CDH19: variants seen among roughly 807,000 people sequenced by gnomAD.
The protein encoded by CDH19 is cadherin-19.
Under a neutral mutation model 64.2 loss-of-function variants are expected in CDH19, and 67 were observed. That is an observed-to-expected ratio of 1.04 (90% CI 0.86 to 1.28). CDH19 has a LOEUF of 1.28. Among genes scored for constraint, CDH19 ranks in the 50% most tolerant of loss-of-function variants. The pLI is 0.00. For missense variants in CDH19, 1,030 were observed against 929.0 expected, an observed-to-expected ratio of 1.11 and a Z score of -1.41; for synonymous variants, 346 against 319.3, an observed-to-expected ratio of 1.08 and a Z score of -0.89.
At chr18:66,601,378 C>A (rs1989033959) in intron 1 of CDH19, among the ~76,000 whole-genome samples, 1 of 151,876 alleles carries the variant, frequency 6.6e-6, no homozygotes, top group Non-Finnish European at 1.5e-5. Flanking sequence ...TAAGACATGA[C>A]TGATGTGCCA....
At chr18:66,568,304 A>G (rs1361788565) in intron 3 of CDH19, 112 bp downstream of exon 3, 1 of 760,110 alleles carries the variant, frequency 1.3e-6, no homozygotes, top group Non-Finnish European at 2.1e-6. Flanking sequence ...ACATATTTGT[A>G]GAAGGAAGTT....
intron 1 of CDH19, among the ~76,000 whole-genome samples, chr18:66,588,220 C>T (rs1889729066): frequency 6.6e-6 from 1 of 152,064 alleles, no homozygotes; most frequent in Admixed American, 6.6e-5. Context: ...GAGGGTGATC[C>T]TGCAATGGGA....
At chr18:66,506,784 G>T (rs1985222673) in intron 11 of CDH19, among the ~76,000 whole-genome samples, 1 of 151,836 alleles carries the variant, frequency 6.6e-6, no homozygotes, top group African/African-American at 2.4e-5. Context: ...AAACACACAT[G>T]AAGTAATGTT....
At chr18:66,593,749 T>A (rs1322808086) in intron 1 of CDH19, among the ~76,000 whole-genome samples, 1 of 152,046 alleles carries the variant, frequency 6.6e-6, no homozygotes, top group East Asian at 1.9e-4. Context: ...TTAAGAAAAA[T>A]TAATAATTTG....
At chr18:66,583,161 C>A in intron 1 of CDH19, among the ~76,000 whole-genome samples, 1 of 151,766 alleles carries the variant, frequency 6.6e-6, no homozygotes, top group Non-Finnish European at 1.5e-5. Context: ...AATTATTGTA[C>A]TTTTTTATGA....
At chr18:66,599,711 G>C (rs1988992602) in intron 1 of CDH19, among the ~76,000 whole-genome samples, 1 of 151,926 alleles carries the variant, frequency 6.6e-6, no homozygotes, top group Middle Eastern at 3.4e-3. Flanking sequence ...AATAAATATT[G>C]AAAACATCCT....
chr18:66,588,605 C>CATATACATAT (rs1988644480), intron 1 of CDH19, among the ~76,000 whole-genome samples: 1 of 116,736 alleles, frequency 8.6e-6, no homozygotes, highest in Non-Finnish European at 2.1e-5. Context: ...TTTTACTAAT[C>CATATACATAT]ATATATATCT....
chr18:66,542,932 A>G (rs1986946503), intron 7 of CDH19, among the ~76,000 whole-genome samples: 1 of 152,158 alleles, frequency 6.6e-6, no homozygotes, highest in Non-Finnish European at 1.5e-5. Context: ...CTTCCACCGA[A>G]CTGGTTCCTG....
rs201955048 is a variant in CDH19 at position 66,505,195 on chromosome 18, C to T, written c.1936G>A (p.Gly646Ser). The change falls in exon 12 of 12, where the codon GGT becomes AGT. Residue 646 changes from glycine (G) to serine (S), a missense_variant. Physicochemically the swap from Gly to Ser is moderately conservative, Grantham distance 56. Transcript: ENST00000262150. ...AAGGCCTCTGTATCTTCTTCTCCAC[C>T]CCCTTCATCATCATATTGGAATATA... is the stretch of plus-strand genomic sequence containing the variant. Reference protein sequence around the residue: ...ENIFQYDDEGGGEEDTEAFDI... With the variant: ...ENIFQYDDEGSGEEDTEAFDI... 604 of 1,613,076 alleles carry T rather than the reference C, an allele frequency of 3.7e-4. 7 individuals carry two copies. In the South Asian group the frequency reaches 6.4e-3, roughly 17 times the overall value.
At chr18:66,546,885 GC>G (rs775884083) in intron 5 of CDH19, among the ~76,000 whole-genome samples, 10 of 152,084 alleles carry the variant, frequency 6.6e-5, no homozygotes, top group Non-Finnish European at 1.3e-4. Context: ...AAGCAAACAG[GC>G]AGATAGAAAC....
At chr18:66,513,852 T>A (rs1302613330) in intron 9 of CDH19, among the ~76,000 whole-genome samples, 1 of 151,428 alleles carries the variant, frequency 6.6e-6, no homozygotes, top group Non-Finnish European at 1.5e-5. Context: ...AAAGCTCAGA[T>A]TTTTAGTATT....
At chr18:66,586,556 AAG>A (rs1469284461) in intron 1 of CDH19, among the ~76,000 whole-genome samples, 13 of 152,000 alleles carry the variant, frequency 8.6e-5, no homozygotes, top group Admixed American at 1.3e-4. Context: ...GGAAAAAAAA[AAG>A]AAGGAAGCCA....
intron 1 of CDH19, among the ~76,000 whole-genome samples, chr18:66,594,695 G>A (rs910373164): frequency 6.6e-6 from 1 of 151,666 alleles, no homozygotes; most frequent in Non-Finnish European, 1.5e-5. Flanking sequence ...ATGAGTTCAT[G>A]TCCTTTGTAG....
intron 4 of CDH19, among the ~76,000 whole-genome samples, chr18:66,552,103 G>A (rs2144516871): frequency 6.6e-6 from 1 of 152,054 alleles, no homozygotes; most frequent in East Asian, 1.9e-4. Flanking sequence ...ACTTCTGATT[G>A]GGTAGCATGC....
At chr18:66,564,727 T>C (rs1215114403) in intron 3 of CDH19, among the ~76,000 whole-genome samples, 1 of 151,948 alleles carries the variant, frequency 6.6e-6, no homozygotes, top group Non-Finnish European at 1.5e-5. Flanking sequence ...ATGGTTGTTT[T>C]CCACGTAATG....
chr18:66,501,779 G>A lies in CDH19; in HGVS notation c.*3033C>T, dbSNP rs2097020. The A allele has an allele frequency of 0.29, 43,765 of 151,926 alleles. 7,394 individuals carry two copies. Among genetic ancestry groups the A allele is most frequent in the Middle Eastern group, 0.38 (111 of 294 alleles). 9.4% of individuals were successfully genotyped at this position (151,926 alleles called of 1,614,324 possible). A position where few individuals can be genotyped will look rare whatever the true frequency, so the allele number is the denominator to read the frequency against. ...ACCATGTGAAATAGGTTGATTGGAC[G>A]TCATTTTACAAAGTGAGATCTGGAA... is the stretch of plus-strand genomic sequence containing the variant. On this transcript the variant is annotated 3_prime_UTR_variant, in exon 12 of 12. Transcript: ENST00000262150.
chr18:66,547,730 G>A lies in CDH19; in HGVS notation c.776-2827C>T, dbSNP rs552183477. Among the ~76,000 whole-genome samples, 988 of 135,914 alleles carry A rather than the reference G, an allele frequency of 7.3e-3. 8 individuals carry two copies. Among genetic ancestry groups the A allele is most frequent in the Non-Finnish European group, 0.011 (736 of 65,412 alleles). The allele number at this position is 135,914 out of a possible 152,430, so 89.2% of individuals were successfully genotyped here. On this transcript the variant is annotated intron_variant, in intron 5 of 11. Coordinates refer to ENST00000262150, the MANE Select transcript of CDH19 (RefSeq NM_021153.4). ...TCGCCCAGGCTGGAGTGCAGTGGCGGGATCTCGGCTCACTGCAAGCTCCGC... is the reference window on the plus strand; with the variant it reads ...TCGCCCAGGCTGGAGTGCAGTGGCGAGATCTCGGCTCACTGCAAGCTCCGC...
At chr18:66,543,878 C>T (rs1335496021) in intron 7 of CDH19, 93 bp downstream of exon 7, 1 of 915,408 alleles carries the variant, frequency 1.1e-6, no homozygotes, top group African/African-American at 1.7e-5. Context: ...GTGAGACTCC[C>T]TCTCAATTAA....
At chr18:66,581,102 C>T (rs1316044391) in intron 1 of CDH19, among the ~76,000 whole-genome samples, 2 of 152,028 alleles carry the variant, frequency 1.3e-5, no homozygotes, top group Non-Finnish European at 2.9e-5. Context: ...AAAAAATCTA[C>T]CTAACATTTC....
Sources: gnomAD v4.1 joint callset for allele counts (sites outside exome capture counted in the v4.1 genomes callset) on GRCh38, gnomAD v4.1.1 for gene constraint, MANE v1.5 for transcripts, NCBI Gene and HGNC (gene_info 2026-07-23, HGNC 2026-07-21) for gene names.